Variants in COL4A2 observed in about 807,000 individuals in gnomAD.
COL4A2 encodes collagen alpha-2(IV) chain.
COL4A2 carries 99 observed loss-of-function variants against 200.2 expected under a neutral mutation model. That is an observed-to-expected ratio of 0.49 (90% CI 0.42 to 0.58). The LOEUF is 0.58. COL4A2 is among the 20% of genes least tolerant of loss of function. The pLI, the probability that COL4A2 is intolerant of heterozygous loss-of-function variation, is 0.00. For synonymous variants in COL4A2, 897 were observed against 900.6 expected (o/e 1.00, Z 0.07); for missense variants, 1,950 against 2,314.1 (o/e 0.84, Z 3.23).
chr13:110,456,669 G>A (rs1373183482), intron 20 of COL4A2: 2 of 431,120 alleles, frequency 4.6e-6, no homozygotes, highest in South Asian at 1.7e-5. Context: ...ATCATTTGGG[G>A]AGGCTTGGCT....
At chr13:110,373,066 AC>A (rs921312319) in intron 4 of COL4A2, among the ~76,000 whole-genome samples, 7 of 152,216 alleles carry the variant, frequency 4.6e-5, no homozygotes, top group African/African-American at 1.7e-4. Flanking sequence ...GATGTCTGTT[AC>A]CTGTTTTCAC....
At chr13:110,439,950 A>G in intron 16 of COL4A2, 117 bp downstream of exon 16, 2 of 1,443,912 alleles carry the variant, frequency 1.4e-6, no homozygotes, top group Non-Finnish European at 1.9e-6. Flanking sequence ...AACATTGAAA[A>G]TGGTTCTTGT....
At chr13:110,393,764 G>A (rs542220065) in intron 4 of COL4A2, among the ~76,000 whole-genome samples, 13 of 152,098 alleles carry the variant, frequency 8.5e-5, no homozygotes, top group Admixed American at 4.6e-4. Flanking sequence ...CTATAATCCC[G>A]GCTACTCAGG....
intron 3 of COL4A2, among the ~76,000 whole-genome samples, chr13:110,322,180 C>T (rs556897566): frequency 1.3e-5 from 2 of 152,268 alleles, no homozygotes; most frequent in East Asian, 3.9e-4. Flanking sequence ...AGACCCAGCT[C>T]CAGATGAAGG....
chr13:110,394,583 C>G (rs1349627018), intron 4 of COL4A2, among the ~76,000 whole-genome samples: 1 of 152,196 alleles, frequency 6.6e-6, no homozygotes. Context: ...TGCAATTACA[C>G]AAGGATGGTC....
chr13:110,352,694 G>A (rs558399051), intron 3 of COL4A2, among the ~76,000 whole-genome samples: 2 of 152,220 alleles, frequency 1.3e-5, no homozygotes, highest in Non-Finnish European at 2.9e-5. Context: ...CAGATTCCTC[G>A]GTGGTCCCGA....
intron 29 of COL4A2, among the ~76,000 whole-genome samples, chr13:110,476,487 A>G (rs1049045099): frequency 3.9e-5 from 6 of 152,230 alleles, no homozygotes; most frequent in Non-Finnish European, 5.9e-5. Flanking sequence ...GTGGTCAGAC[A>G]GTGCGCAGTC....
chr13:110,387,577 C>G (rs1000518563), intron 4 of COL4A2, among the ~76,000 whole-genome samples: 1 of 152,170 alleles, frequency 6.6e-6, no homozygotes, highest in Non-Finnish European at 1.5e-5. Flanking sequence ...CAGTCGGGGG[C>G]CCCGAGCTGG....
chr13:110,371,240 A>G (rs1877995741), intron 4 of COL4A2, among the ~76,000 whole-genome samples: 1 of 152,234 alleles, frequency 6.6e-6, no homozygotes, highest in Non-Finnish European at 1.5e-5. Flanking sequence ...ATCTTATTGC[A>G]TAGAATTAGT....
chr13:110,376,577 A>G (rs749744478), intron 4 of COL4A2, among the ~76,000 whole-genome samples: 18 of 152,296 alleles, frequency 1.2e-4, no homozygotes, highest in Middle Eastern at 3.4e-3. Context: ...CATCGTTTTT[A>G]CATTACATAT....
At chr13:110,404,151 C>T (rs967820029) in intron 4 of COL4A2, among the ~76,000 whole-genome samples, 11 of 152,146 alleles carry the variant, frequency 7.2e-5, no homozygotes, top group Admixed American at 1.3e-4. Context: ...GACATTCAGA[C>T]CATAACAGTT....
chr13:110,357,704 G>A, intron 4 of COL4A2, 152 bp downstream of exon 4: 1 of 1,183,590 alleles, frequency 8.4e-7, no homozygotes, highest in Non-Finnish European at 1.2e-6. Flanking sequence ...AGATGGCCGG[G>A]CCTACTACAC....
intron 4 of COL4A2, among the ~76,000 whole-genome samples, chr13:110,388,707 G>A (rs768227183): frequency 1.3e-5 from 2 of 152,196 alleles, no homozygotes; most frequent in Non-Finnish European, 2.9e-5. Flanking sequence ...TTACTAGTGT[G>A]CAGCACAGAC....
Position 110,508,571 on chromosome 13 carries a change from A to C in COL4A2, c.4881+350A>C, listed in dbSNP as rs73618170. Among the ~76,000 whole-genome samples the C allele has an allele frequency of 6.9e-3, 1,056 of 152,312 alleles. 12 individuals carry two copies. The highest frequency in any genetic ancestry group is 0.024 in the African/African-American group (1,004 of 41,568). On this transcript the variant is annotated intron_variant, in intron 47 of 47. Transcript: ENST00000360467. The surrounding 1 kb of genome is among the most constrained non-coding windows in gnomAD (Gnocchi z 6.1). Reference sequence around the variant, plus strand: ...TACCAGAAGTCTAAATATATGGGAGACTTTTCTCTAGAATCCTGATCTTAT... The same window carrying C: ...TACCAGAAGTCTAAATATATGGGAGCCTTTTCTCTAGAATCCTGATCTTAT...
chr13:110,493,274 G>A lies in COL4A2; in HGVS notation c.3626G>A (p.Gly1209Glu). 1 of 1,614,144 alleles carries A rather than the reference G, an allele frequency of 6.2e-7. No homozygotes were observed. Among genetic ancestry groups the A allele is most frequent in the Non-Finnish European group, 8.5e-7 (1 of 1,180,030 alleles). Residue 1209 changes from glycine to glutamate, a missense_variant, in exon 39 of 48, where the codon GGA becomes GAA. By Grantham distance (98) the Gly-to-Glu change is moderately conservative. This residue lies in a region of COL4A2 where 1,385 missense variants were observed against 1,720.5 expected (regional missense o/e 0.80). Transcript: ENST00000360467. ...TTGCCAGGCACCAAGGGCTTTCCAG[G>A]ATCCCCAGGTACTCTGTGCCGTCCC... ...HGLPGTKGFP[G>E]SPGSDIHGDP...
intron 40 of COL4A2, among the ~76,000 whole-genome samples, chr13:110,498,870 ACGGTGTCCC>A (rs1254452148): frequency 2.0e-5 from 3 of 152,162 alleles, no homozygotes; most frequent in African/African-American, 7.2e-5. Flanking sequence ...AGGGACCTGG[ACGGTGTCCC>A]CGGCTTCCAA....
At chr13:110,483,028 C>T (rs760709848) in intron 32 of COL4A2, among the ~76,000 whole-genome samples, 6 of 152,150 alleles carry the variant, frequency 3.9e-5, no homozygotes, top group Non-Finnish European at 8.8e-5. Context: ...TACCACCAGG[C>T]ACAGGAGGAC....
At chr13:110,322,957 G>C (rs1394729909) in intron 3 of COL4A2, among the ~76,000 whole-genome samples, 1 of 152,242 alleles carries the variant, frequency 6.6e-6, no homozygotes, top group Non-Finnish European at 1.5e-5. Context: ...CGGGAGGGCG[G>C]ATGCCCAGAG....
intron 24 of COL4A2, chr13:110,463,020 T>C (rs995527188): frequency 2.6e-5 from 4 of 154,846 alleles, no homozygotes; most frequent in African/African-American, 7.2e-5. Flanking sequence ...ACCAAGCCTG[T>C]ACCTCCTTAA....
Sources: allele counts gnomAD v4.1 joint callset (sites outside exome capture counted in the v4.1 genomes callset), GRCh38; gene constraint gnomAD v4.1.1; regional missense constraint gnomAD v4.1.1; non-coding constraint Gnocchi (gnomAD v3.1); transcripts MANE v1.5; gene names NCBI Gene and HGNC (gene_info 2026-07-23, HGNC 2026-07-21).